DGKI: variants seen among roughly 807,000 people sequenced by gnomAD.
DGKI encodes diacylglycerol kinase iota.
In DGKI, 55 loss-of-function variants were observed where a neutral mutation model predicts 147.5. That is an observed-to-expected ratio of 0.37 (90% CI 0.30 to 0.47). DGKI has a LOEUF of 0.47. DGKI is among the 20% of genes least tolerant of loss of function. The probability of loss-of-function intolerance (pLI) is 1.00; values close to 1 mark genes in which losing one functional copy is unlikely to be tolerated. For missense variants in DGKI, 1,007 were observed against 1,323.8 expected (o/e 0.76, Z 3.71); for synonymous variants, 469 against 477.1 (o/e 0.98, Z 0.22).
intron 21 of DGKI, among the ~76,000 whole-genome samples, chr7:137,498,178 T>C (rs1261658887): frequency 2.0e-5 from 3 of 151,410 alleles, no homozygotes; most frequent in Non-Finnish European, 4.4e-5. Flanking sequence ...TTTGATAAAA[T>C]AAATAGAGAC....
chr7:137,700,551 C>T (rs1484060873), intron 1 of DGKI, among the ~76,000 whole-genome samples: 1 of 152,200 alleles, frequency 6.6e-6, no homozygotes, highest in Non-Finnish European at 1.5e-5. Flanking sequence ...ACCAACCTGG[C>T]TCTCAGCTAT....
At chr7:137,604,481 T>C (rs893079914) in intron 10 of DGKI, among the ~76,000 whole-genome samples, 1 of 152,210 alleles carries the variant, frequency 6.6e-6, no homozygotes, top group African/African-American at 2.4e-5. Flanking sequence ...GGCCCTAGTC[T>C]GAGAAAGCCG....
chr7:137,574,744 T>C (rs143673808), intron 17 of DGKI, among the ~76,000 whole-genome samples: 1 of 152,330 alleles, frequency 6.6e-6, no homozygotes, highest in African/African-American at 2.4e-5. Flanking sequence ...AATATGTTCC[T>C]TTGTATAAGC....
chr7:137,841,864 A>C (rs1798552811), intron 1 of DGKI, among the ~76,000 whole-genome samples: 1 of 152,222 alleles, frequency 6.6e-6, no homozygotes, highest in African/African-American at 2.4e-5. Context: ...CCACAGCAGA[A>C]TTGAACACCA....
chr7:137,703,459 T>C (rs1824054443), intron 1 of DGKI, among the ~76,000 whole-genome samples: 1 of 152,176 alleles, frequency 6.6e-6, no homozygotes, highest in South Asian at 2.1e-4. Context: ...AAGGGAGGCA[T>C]TACACAAACA....
intron 19 of DGKI, among the ~76,000 whole-genome samples, chr7:137,559,314 G>A (rs1372307381): frequency 6.6e-6 from 1 of 150,496 alleles, no homozygotes; most frequent in Admixed American, 6.6e-5. Context: ...CTCGTGATCT[G>A]CCCGCCTCGG....
chr7:137,474,829 T>C (rs1006194373), intron 23 of DGKI, among the ~76,000 whole-genome samples: 2 of 152,300 alleles, frequency 1.3e-5, no homozygotes, highest in Non-Finnish European at 2.9e-5. Flanking sequence ...ACACCAGCTT[T>C]GAGAGGCACG....
chr7:137,730,973 T>C (rs1268882186), intron 1 of DGKI, among the ~76,000 whole-genome samples: 2 of 152,052 alleles, frequency 1.3e-5, no homozygotes, highest in African/African-American at 4.8e-5. Context: ...TTTCACTAGG[T>C]TCAAAGGCAA....
intron 2 of DGKI, among the ~76,000 whole-genome samples, chr7:137,683,823 T>C (rs1266772896): frequency 2.8e-5 from 4 of 141,918 alleles, no homozygotes; most frequent in Non-Finnish European, 6.2e-5. Context: ...TTTACATCGA[T>C]AGATCTATTC....
intron 21 of DGKI, among the ~76,000 whole-genome samples, chr7:137,500,647 T>C (rs1438415990): frequency 6.6e-6 from 1 of 152,102 alleles, no homozygotes; most frequent in Non-Finnish European, 1.5e-5. Flanking sequence ...AGGGACCCTA[T>C]ATATGAGACT....
chr7:137,784,317 T>C (rs1244375789), intron 1 of DGKI, among the ~76,000 whole-genome samples: 1 of 152,112 alleles, frequency 6.6e-6, no homozygotes, highest in Non-Finnish European at 1.5e-5. Flanking sequence ...CCAGCAGTAG[T>C]AGCAATTCTT....
At chr7:137,522,814 G>A (rs755870800) in intron 20 of DGKI, among the ~76,000 whole-genome samples, 5 of 152,044 alleles carry the variant, frequency 3.3e-5, no homozygotes, top group Non-Finnish European at 5.9e-5. Context: ...CCACCACGAT[G>A]GGTCAATACA....
At chr7:137,423,966 C>T (rs755222298) in intron 28 of DGKI, among the ~76,000 whole-genome samples, 7 of 152,142 alleles carry the variant, frequency 4.6e-5, no homozygotes, top group Non-Finnish European at 7.4e-5. Flanking sequence ...GCTGCACCCA[C>T]CAACCCATCA....
chr7:137,700,335 T>C (rs1823934309), intron 1 of DGKI, among the ~76,000 whole-genome samples: 1 of 152,106 alleles, frequency 6.6e-6, no homozygotes, highest in Non-Finnish European at 1.5e-5. Flanking sequence ...CAAGGGCGTG[T>C]GGTTTTGGAG....
chr7:137,704,204 C>A (rs577153220), intron 1 of DGKI, among the ~76,000 whole-genome samples: 35 of 152,232 alleles, frequency 2.3e-4, no homozygotes, highest in Admixed American at 9.8e-4. Flanking sequence ...AAATAAATAA[C>A]AGCACCTATA....
rs3839660 is a variant in DGKI at position 137,623,689 on chromosome 7, TGC to T, written c.805-137_805-136del. 1,381 of 703,210 alleles carry T rather than the reference TGC, an allele frequency of 2.0e-3. 13 individuals are homozygous for T. Among genetic ancestry groups the T allele is most frequent in the Admixed American group, 0.019 (923 of 49,212 alleles). The allele number at this position is 703,210 out of a possible 1,614,324, so 43.6% of individuals were successfully genotyped here. The stretch of plus-strand genomic sequence containing the variant: ...ACCCACCACTGGAGGTAAGTAGAAT[TGC>T]AAAGGCCACATTGAGCACCACACTC... On this transcript the variant is annotated intron_variant, in intron 6 of 32. Coordinates refer to ENST00000614521, the MANE Select transcript of DGKI (RefSeq NM_001321708.2).
At chr7:137,761,879 C>T (rs371231611) in intron 1 of DGKI, among the ~76,000 whole-genome samples, 2 of 152,098 alleles carry the variant, frequency 1.3e-5, no homozygotes, top group Non-Finnish European at 2.9e-5. Context: ...TCAACTTGAC[C>T]GAAGCAAGAT....
intron 19 of DGKI, among the ~76,000 whole-genome samples, chr7:137,567,414 G>A (rs1818626898): frequency 6.6e-6 from 1 of 152,086 alleles, no homozygotes; most frequent in Non-Finnish European, 1.5e-5. Flanking sequence ...AGAAAACACT[G>A]CTTACAAAGT....
At chr7:137,774,729 A>G (rs781170999) in intron 1 of DGKI, 1 of 152,228 alleles carries the variant, frequency 6.6e-6, no homozygotes, top group Admixed American at 6.5e-5. Context: ...GTAGCGACAC[A>G]TGGCCCACCA....
Sources: allele counts gnomAD v4.1 joint callset (sites outside exome capture counted in the v4.1 genomes callset), GRCh38; gene constraint gnomAD v4.1.1; transcripts MANE v1.5; gene names NCBI Gene and HGNC (gene_info 2026-07-23, HGNC 2026-07-21).